Variants in SCEL observed in about 807,000 individuals in gnomAD.
SCEL encodes the protein sciellin.
A neutral mutation model predicts 117.6 loss-of-function variants in SCEL; 113 were observed. That is an observed-to-expected ratio of 0.96 (90% CI 0.83 to 1.12). The LOEUF (loss-of-function observed/expected upper bound fraction) is 1.12. Ranked by LOEUF, SCEL falls within the 50% of genes most tolerant of loss-of-function variation. The pLI, the probability that SCEL is intolerant of heterozygous loss-of-function variation, is 0.00. For synonymous variants in SCEL, 270 were observed against 256.2 expected (o/e 1.05, Z -0.51); for missense variants, 785 against 810.8 (o/e 0.97, Z 0.39).
intron 1 of SCEL, among the ~76,000 whole-genome samples, chr13:77,541,350 C>A (rs967137628): frequency 8.5e-5 from 13 of 152,092 alleles, no homozygotes; most frequent in African/African-American, 2.9e-4. Flanking sequence ...TAAATGCTGG[C>A]AAATGAGTGA....
chr13:77,642,691 TA>T lies in SCEL; in HGVS notation c.1948-14del, dbSNP rs1225721876. ...ATTTACAATGGAAACTTTATATATG[TA>T]TTTTTTTCTTTAGTGTGAAATATGC... On this transcript the variant is annotated splice_polypyrimidine_tract_variant and intron_variant, in intron 31 of 32. Transcript: ENST00000349847. 1 of 1,425,146 alleles carries T rather than the reference TA, an allele frequency of 7.0e-7. No homozygotes were observed. The highest frequency in any genetic ancestry group is 9.8e-7 in the Non-Finnish European group (1 of 1,022,176). 88.3% of individuals were successfully genotyped at this position (1,425,146 alleles called of 1,614,324 possible).
chr13:77,620,662 T>G (rs1262313103), intron 27 of SCEL, among the ~76,000 whole-genome samples: 1 of 152,192 alleles, frequency 6.6e-6, no homozygotes, highest in Admixed American at 6.5e-5. Context: ...CAAAGAGAGA[T>G]ATTCAGTTAT....
In SCEL at chr13:77,604,344, CCT is replaced by C. The variant is rs1567407235; in HGVS notation, c.1098-11_1098-10del. 2 of 1,495,742 alleles carry C rather than the reference CCT, an allele frequency of 1.3e-6. No individual in the cohort carries two copies. Among genetic ancestry groups the C allele is most frequent in the Admixed American group, 2.2e-5 (1 of 44,542 alleles). The allele number at this position is 1,495,742 out of a possible 1,614,324, so 92.7% of individuals were successfully genotyped here. Reference sequence around the variant, plus strand: ...TAACATCATTCATTAAAATTAATTTCCTTTTTCAAAGAAAAAAAGACCTTGAT... The same window carrying C: ...TAACATCATTCATTAAAATTAATTTCTTTTCAAAGAAAAAAAGACCTTGAT... On this transcript the variant is annotated splice_polypyrimidine_tract_variant and intron_variant, in intron 18 of 32. Coordinates refer to ENST00000349847, the MANE Select transcript of SCEL (RefSeq NM_144777.3).
chr13:77,547,322 G>T (rs1019056425), intron 1 of SCEL, among the ~76,000 whole-genome samples: 2 of 152,158 alleles, frequency 1.3e-5, no homozygotes, highest in Non-Finnish European at 2.9e-5. Context: ...AATCTATAGT[G>T]ATGATTACTA....
intron 28 of SCEL, among the ~76,000 whole-genome samples, chr13:77,633,913 T>A (rs2154406447): frequency 6.6e-6 from 1 of 152,324 alleles, no homozygotes; most frequent in South Asian, 2.1e-4. Flanking sequence ...GTCTACAATT[T>A]AAAAAAGCAT....
intron 1 of SCEL, among the ~76,000 whole-genome samples, chr13:77,547,161 C>T (rs766410021): frequency 6.6e-6 from 1 of 152,078 alleles, no homozygotes; most frequent in African/African-American, 2.4e-5. Flanking sequence ...TCCTTATTGT[C>T]CTCTCCCATT....
intron 24 of SCEL, among the ~76,000 whole-genome samples, chr13:77,615,633 A>G (rs1215431790): frequency 2.0e-5 from 3 of 152,132 alleles, no homozygotes; most frequent in African/African-American, 7.2e-5. Flanking sequence ...GAGAGAAAAA[A>G]TGTTACATTT....
chr13:77,613,247 C>T (rs943221654), intron 23 of SCEL, among the ~76,000 whole-genome samples: 2 of 151,902 alleles, frequency 1.3e-5, no homozygotes, highest in Non-Finnish European at 2.9e-5. Flanking sequence ...ATTACAAGTT[C>T]ATAAAACTGA....
At chr13:77,556,468 A>G (rs1194044312) in intron 2 of SCEL, 128 bp from the exon 3 acceptor site, 7 of 708,636 alleles carry the variant, frequency 9.9e-6, no homozygotes, top group Non-Finnish European at 1.7e-5. Flanking sequence ...ACTTTGAAAC[A>G]GTACTGGACT....
At chr13:77,635,311 T>G (rs924940314) in intron 29 of SCEL, among the ~76,000 whole-genome samples, 2 of 152,200 alleles carry the variant, frequency 1.3e-5, no homozygotes, top group African/African-American at 4.8e-5. Context: ...GTCTTTCAAT[T>G]AAACTAAAAG....
intron 12 of SCEL, among the ~76,000 whole-genome samples, chr13:77,593,963 T>C (rs1421210310): frequency 3.3e-5 from 5 of 152,298 alleles, no homozygotes; most frequent in Admixed American, 3.3e-4. Context: ...TCTCTGTTCT[T>C]GAATTCCTGC....
intron 27 of SCEL, among the ~76,000 whole-genome samples, chr13:77,619,526 A>G (rs958377104): frequency 1.1e-4 from 17 of 152,148 alleles, no homozygotes; most frequent in African/African-American, 2.4e-4. Context: ...CATATTCCCT[A>G]TGCTCCTCTT....
intron 9 of SCEL, among the ~76,000 whole-genome samples, chr13:77,588,126 T>C (rs1395447323): frequency 6.6e-6 from 1 of 152,196 alleles, no homozygotes; most frequent in Non-Finnish European, 1.5e-5. Flanking sequence ...TATTTGTATA[T>C]TGAAAGCCTT....
chr13:77,599,097 T>C (rs563317757), intron 13 of SCEL, among the ~76,000 whole-genome samples: 12 of 152,316 alleles, frequency 7.9e-5, no homozygotes, highest in African/African-American at 2.9e-4. Context: ...AACACCTCTA[T>C]AGACCTATTG....
intron 32 of SCEL, among the ~76,000 whole-genome samples, chr13:77,643,791 C>T (rs1267079711): frequency 1.3e-5 from 2 of 152,042 alleles, no homozygotes; most frequent in African/African-American, 4.8e-5. Context: ...TCATACTTTG[C>T]CTTCTATATT....
chr13:77,634,428 A>C lies in SCEL; in HGVS notation c.1741A>C (p.Thr581Pro). 1 of 1,612,844 alleles carries C rather than the reference A, an allele frequency of 6.2e-7. No homozygotes were observed. Residue 581 changes from threonine to proline, a missense_variant, in exon 29 of 33, where the codon ACA becomes CCA. Physicochemically the swap from Thr to Pro is conservative, Grantham distance 38 (BLOSUM62 -1). Transcript: ENST00000349847. ...AGGACCACAGGATACTGTTGTGTAC[A>C]CAAGGACATATGTGGAGAATAGGTA... is the stretch of plus-strand genomic sequence containing the variant. ...QAGPQDTVVY[T>P]RTYVENSKSP...
intron 9 of SCEL, among the ~76,000 whole-genome samples, chr13:77,572,747 T>C (rs1430232651): frequency 2.0e-5 from 3 of 152,234 alleles, no homozygotes; most frequent in Non-Finnish European, 4.4e-5. Flanking sequence ...ATGTCTGTCC[T>C]ACTACAGTAT....
chr13:77,581,441 G>A (rs1405883028), intron 9 of SCEL, among the ~76,000 whole-genome samples: 1 of 152,186 alleles, frequency 6.6e-6, no homozygotes, highest in African/African-American at 2.4e-5. Flanking sequence ...CTAGTTTGAA[G>A]TAACTCATAC....
chr13:77,564,528 A>C (rs1332536893), intron 5 of SCEL, among the ~76,000 whole-genome samples: 1 of 152,168 alleles, frequency 6.6e-6, no homozygotes, highest in African/African-American at 2.4e-5. Context: ...TATAAATGCC[A>C]CAAATCAAAT....
Sources: gnomAD v4.1 joint callset for allele counts (sites outside exome capture counted in the v4.1 genomes callset) on GRCh38, gnomAD v4.1.1 for gene constraint, MANE v1.5 for transcripts, NCBI Gene and HGNC (gene_info 2026-07-23, HGNC 2026-07-21) for gene names.